Variants in COL4A3 observed in about 807,000 individuals in gnomAD.
The protein encoded by COL4A3 is collagen alpha-3(IV) chain.
COL4A3 carries 135 observed loss-of-function variants against 217.4 expected under a neutral mutation model. That is an observed-to-expected ratio of 0.62 (90% CI 0.54 to 0.72). The LOEUF is 0.72. COL4A3 is among the 30% of genes least tolerant of loss of function. COL4A3 has a pLI of 0.00. For missense variants in COL4A3, 1,868 were observed against 2,119.9 expected (o/e 0.88, Z 2.33); for synonymous variants, 690 against 736.3 (o/e 0.94, Z 1.02).
Position 227,202,928 on chromosome 2 carries a change from T to C in COL4A3, c.88-35040T>C, listed in dbSNP as rs796782706. Among the ~76,000 whole-genome samples the C allele has an allele frequency of 6.7e-5, 2 of 29,700 alleles. 1 individual carries two copies. Among genetic ancestry groups the C allele is most frequent in the Non-Finnish European group, 1.1e-4 (2 of 18,006 alleles). 19.5% of individuals were successfully genotyped at this position (29,700 alleles called of 152,430 possible). A position where few individuals can be genotyped will look rare whatever the true frequency, so the allele number is the denominator to read the frequency against. ...ATGTGTATATATACATATATGTGTA[T>C]ATATGTGTATATATGTGTATATATA... On this transcript the variant is annotated intron_variant, in intron 1 of 51. Coordinates refer to ENST00000396578, the MANE Select transcript of COL4A3 (RefSeq NM_000091.5).
Position 227,293,319 on chromosome 2 carries a change from T to G in COL4A3, c.3337+2T>G. On this transcript the variant is annotated splice_donor_variant, in intron 38 of 51. Coordinates refer to ENST00000396578, the MANE Select transcript of COL4A3 (RefSeq NM_000091.5). LOFTEE classifies it high-confidence loss of function. ...GTCCTGGAAGTCCTGGCCTCCCAGG[T>G]AAGGCTTGAGTTTACAATTCTAAAA... 6.2e-7 allele frequency: 1 copy of G among 1,613,768 alleles called. No individual in the cohort carries two copies. The highest frequency in any genetic ancestry group is 8.5e-7 in the Non-Finnish European group (1 of 1,179,974).
chr2:227,280,426 T>C lies in COL4A3; in HGVS notation c.2224-14T>C, dbSNP rs1314719597. On this transcript the variant is annotated splice_polypyrimidine_tract_variant and intron_variant, in intron 29 of 51. Transcript: ENST00000396578. ...GAAGCACTATATAGTAATAACACAATTTCTATGCTGTAGGGAGAACCAGCA... is the reference window on the plus strand; with the variant it reads ...GAAGCACTATATAGTAATAACACAACTTCTATGCTGTAGGGAGAACCAGCA... 1 of 1,613,890 alleles carries C rather than the reference T, an allele frequency of 6.2e-7. No homozygotes were observed. Among genetic ancestry groups the C allele is most frequent in the Admixed American group, 1.7e-5 (1 of 60,020 alleles).
intron 26 of COL4A3, among the ~76,000 whole-genome samples, chr2:227,275,920 T>C (rs2071530738): frequency 7.6e-6 from 1 of 132,306 alleles, no homozygotes; most frequent in Non-Finnish European, 1.6e-5. Context: ...ACCAGCATGT[T>C]GGGCTATTAA....
chr2:227,283,139 TTTGTTG>T (rs1331593474), intron 32 of COL4A3, among the ~76,000 whole-genome samples: 1 of 152,192 alleles, frequency 6.6e-6, no homozygotes, highest in South Asian at 2.1e-4. Flanking sequence ...AGTTATCTGA[TTTGTTG>T]TTGTTGTTCA....
chr2:227,164,828 C>T lies in COL4A3; in HGVS notation c.87+15C>T. On this transcript the variant is annotated intron_variant, in intron 1 of 51. Transcript: ENST00000396578. The surrounding 1 kb of genome is among the most constrained non-coding windows in gnomAD (Gnocchi z 4.8). Reference sequence around the variant, plus strand: ...CAGCCAGCAAGGTGAGTGGGGGCTGCGCGACCCCCACCCCCGCACTTCCAT... The same window carrying T: ...CAGCCAGCAAGGTGAGTGGGGGCTGTGCGACCCCCACCCCCGCACTTCCAT... The T allele has an allele frequency of 2.0e-6, 3 of 1,504,450 alleles. No homozygotes were observed. Among genetic ancestry groups the T allele is most frequent in the East Asian group, 2.6e-5 (1 of 37,906 alleles). The allele number at this position is 1,504,450 out of a possible 1,614,324, so 93.2% of individuals were successfully genotyped here. A position where few individuals can be genotyped will look rare whatever the true frequency, so the allele number is the denominator to read the frequency against.
chr2:227,293,092 GATGA>G, intron 37 of COL4A3, 95 bp from the exon 38 acceptor site: 4 of 1,495,842 alleles, frequency 2.7e-6, no homozygotes, highest in Non-Finnish European at 3.7e-6. Context: ...AATATGAATT[GATGA>G]ATGAATGAAA....
intron 1 of COL4A3, among the ~76,000 whole-genome samples, chr2:227,216,312 C>T (rs2067526910): frequency 6.6e-6 from 1 of 152,072 alleles, no homozygotes; most frequent in Admixed American, 6.6e-5. Context: ...AATGTACTGA[C>T]TGGGTATATA....
Position 227,251,020 on chromosome 2 carries a change from A to C in COL4A3, c.547-120A>C, listed in dbSNP as rs143803491. ...TGTTATCATTAGCTGCAGCCACTGA[A>C]AGGGGAGGTGTTATGCTCTTCTGAT... On this transcript the variant is annotated intron_variant, in intron 9 of 51. Coordinates refer to ENST00000396578, the MANE Select transcript of COL4A3 (RefSeq NM_000091.5). 447 of 796,922 alleles carry C rather than the reference A, an allele frequency of 5.6e-4. 3 individuals carry two copies. In the East Asian group the frequency reaches 0.012, roughly 21 times the overall value. The allele number at this position is 796,922 out of a possible 1,614,324, so 49.4% of individuals were successfully genotyped here.
intron 1 of COL4A3, among the ~76,000 whole-genome samples, chr2:227,171,451 C>T (rs927636335): frequency 6.6e-6 from 1 of 152,180 alleles, no homozygotes; most frequent in African/African-American, 2.4e-5. Flanking sequence ...TTGCTGACAC[C>T]TCTAAACAGG....
intron 1 of COL4A3, among the ~76,000 whole-genome samples, chr2:227,218,130 A>G (rs1266479146): frequency 6.8e-6 from 1 of 146,262 alleles, no homozygotes; most frequent in Non-Finnish European, 1.5e-5. Flanking sequence ...TTAATAGCTA[A>G]ACCCCTTTTT....
At chr2:227,277,212 G>A (rs1052268477) in intron 27 of COL4A3, among the ~76,000 whole-genome samples, 5 of 151,720 alleles carry the variant, frequency 3.3e-5, no homozygotes, top group African/African-American at 4.8e-5. Context: ...CCAGCTACTC[G>A]GGAGGCTGAG....
chr2:227,242,240 C>T (rs1029392964), intron 3 of COL4A3, among the ~76,000 whole-genome samples: 1 of 152,074 alleles, frequency 6.6e-6, no homozygotes, highest in African/African-American at 2.4e-5. Context: ...TGATAATTTG[C>T]TAAAGAGTCT....
chr2:227,186,940 C>T (rs1204336741), intron 1 of COL4A3, among the ~76,000 whole-genome samples: 2 of 152,146 alleles, frequency 1.3e-5, no homozygotes, highest in Non-Finnish European at 2.9e-5. Flanking sequence ...TGTGTCCTCA[C>T]GTGGTGGAAG....
chr2:227,175,101 G>T (rs78677129), intron 1 of COL4A3, among the ~76,000 whole-genome samples: 2 of 152,150 alleles, frequency 1.3e-5, no homozygotes, highest in Non-Finnish European at 2.9e-5. Context: ...AGCACTGAGG[G>T]ATGTGGTCCA....
intron 2 of COL4A3, among the ~76,000 whole-genome samples, chr2:227,238,743 T>C (rs2068844258): frequency 6.6e-6 from 1 of 152,142 alleles, no homozygotes; most frequent in South Asian, 2.1e-4. Context: ...TTCTATATAA[T>C]GTGTATGCTA....
rs1173685095 is a variant in COL4A3, at chr2:227,290,090, T to C, written c.3070+2T>C. ...GCATGGGGAACATGGGCATGCCAGG[T>C]AATGCATAAGGTCCTGTTATGAGCC... is the stretch of plus-strand genomic sequence containing the variant. On this transcript the variant is annotated splice_donor_variant, in intron 36 of 51. Coordinates refer to ENST00000396578, the MANE Select transcript of COL4A3 (RefSeq NM_000091.5). LOFTEE classifies it high-confidence loss of function. 6.2e-7 allele frequency: 1 copy of C among 1,613,896 alleles called. No homozygotes were observed.
chr2:227,296,839 T>G (rs1488245953), intron 41 of COL4A3, among the ~76,000 whole-genome samples: 3 of 152,192 alleles, frequency 2.0e-5, no homozygotes, highest in Admixed American at 6.5e-5. Flanking sequence ...AGCCCTCCCC[T>G]GAGCTATTAG....
intron 15 of COL4A3, 32 bp from the exon 16 acceptor site, chr2:227,255,994 C>T: frequency 6.2e-7 from 1 of 1,608,052 alleles, no homozygotes; most frequent in African/African-American, 1.3e-5. Context: ...ATATTTATTA[C>T]ATTTCATGTT....
chr2:227,295,127 T>C, intron 40 of COL4A3, 65 bp downstream of exon 40: 3 of 1,535,408 alleles, frequency 2.0e-6, no homozygotes, highest in South Asian at 1.1e-5. Context: ...AGTAACAGTG[T>C]AATCCTTTGC....
Sources: allele counts gnomAD v4.1 joint callset (sites outside exome capture counted in the v4.1 genomes callset), GRCh38; gene constraint gnomAD v4.1.1; non-coding constraint Gnocchi (gnomAD v3.1); transcripts MANE v1.5; gene names NCBI Gene and HGNC (gene_info 2026-07-23, HGNC 2026-07-21).